The following ATP8A2 variants were observed in gnomAD, a reference collection of about 807,000 sequenced individuals.
ATP8A2 encodes ATPase phospholipid transporting 8A2.
A neutral mutation model predicts 165.6 loss-of-function variants in ATP8A2; 100 were observed. That is an observed-to-expected ratio of 0.60 (90% confidence interval 0.51 to 0.71). The LOEUF (loss-of-function observed/expected upper bound fraction) is 0.71, where lower values mean the gene tolerates loss of function less well. Among genes scored for constraint, ATP8A2 ranks in the 30% least tolerant of loss-of-function variants. The pLI is 0.00. For synonymous variants in ATP8A2, 543 were observed against 548.8 expected (o/e 0.99, Z 0.15); for missense variants, 1,227 against 1,479.5 (o/e 0.83, Z 2.80).
At chr13:25,751,771 T>G (rs2044157947) in intron 25 of ATP8A2, among the ~76,000 whole-genome samples, 1 of 152,060 alleles carries the variant, frequency 6.6e-6, no homozygotes, top group African/African-American at 2.4e-5. Context: ...CTTATTTGCT[T>G]TTTCTTTACA....
At chr13:25,382,898 G>A (rs1202316074) in intron 1 of ATP8A2, among the ~76,000 whole-genome samples, 1 of 151,374 alleles carries the variant, frequency 6.6e-6, no homozygotes, top group Admixed American at 6.6e-5. Flanking sequence ...TGGGACTACA[G>A]GTGCCCGCCA....
At chr13:25,688,024 A>G (rs73154508) in intron 24 of ATP8A2, among the ~76,000 whole-genome samples, 15,882 of 151,968 alleles carry the variant, frequency 0.1, 937 homozygotes, top group East Asian at 0.25. Flanking sequence ...CCTTCCTGAC[A>G]CGAGACTGTG....
chr13:25,994,305 T>C (rs1419317887), intron 35 of ATP8A2, among the ~76,000 whole-genome samples: 2 of 152,018 alleles, frequency 1.3e-5, no homozygotes, highest in African/African-American at 4.8e-5. Context: ...TTCCAGACAA[T>C]TATGTCATCT....
chr13:25,532,311 A>G lies in ATP8A2; in HGVS notation c.460A>G (p.Thr154Ala). 1.2e-6 allele frequency: 2 copies of G among 1,610,448 alleles called. No homozygotes were observed. Among genetic ancestry groups the G allele is most frequent in the Admixed American group, 1.7e-5 (1 of 59,474 alleles). ...AGACAATGCAGTTAACAAAAAGAAAACAATAGGTAAGATCCCAGGCTGAAG... is the reference window on the plus strand; with the variant it reads ...AGACAATGCAGTTAACAAAAAGAAAGCAATAGGTAAGATCCCAGGCTGAAG... The part of the protein sequence containing the change: ...KADNAVNKKK[T>A]IVLRNGMWHT... The change falls in exon 5 of 37, where the codon ACA becomes GCA. Residue 154 changes from threonine (T) to alanine (A), a missense_variant. Coordinates refer to ENST00000381655, the MANE Select transcript of ATP8A2 (RefSeq NM_016529.6).
At chr13:25,892,482 C>A (rs1477124088) in intron 33 of ATP8A2, among the ~76,000 whole-genome samples, 1 of 150,460 alleles carries the variant, frequency 6.6e-6, no homozygotes, top group South Asian at 2.1e-4. Flanking sequence ...CTCTCTGTCT[C>A]TCTCTCTCTC....
Position 25,491,378 on chromosome 13 carries a change from G to A in ATP8A2, c.221+22257G>A, listed in dbSNP as rs151150090. Among the ~76,000 whole-genome samples the A allele has an allele frequency of 5.0e-3, 758 of 151,994 alleles. 5 individuals carry two copies. Among genetic ancestry groups the A allele is most frequent in the African/African-American group, 0.018 (735 of 41,440 alleles). The stretch of plus-strand genomic sequence containing the variant: ...CATGGTGCTACATATTCTGGAGTTA[G>A]TTAGTTTATGTACTTATTTATGATT... On this transcript the variant is annotated intron_variant, in intron 2 of 36. Transcript: ENST00000381655.
intron 2 of ATP8A2, among the ~76,000 whole-genome samples, chr13:25,504,104 C>T (rs967886094): frequency 1.3e-5 from 2 of 152,244 alleles, no homozygotes; most frequent in African/African-American, 4.8e-5. Flanking sequence ...TTGCAGTCCA[C>T]TTCCCTCTGC....
At chr13:25,787,516 C>T (rs1402362901) in intron 27 of ATP8A2, among the ~76,000 whole-genome samples, 1 of 152,242 alleles carries the variant, frequency 6.6e-6, no homozygotes, top group Non-Finnish European at 1.5e-5. Flanking sequence ...CCTCTGTACA[C>T]ACTCATTTTA....
intron 35 of ATP8A2, among the ~76,000 whole-genome samples, chr13:25,978,122 A>G (rs1956099328): frequency 7.0e-6 from 1 of 143,026 alleles, no homozygotes; most frequent in Non-Finnish European, 1.5e-5. Flanking sequence ...GTAGTGATGA[A>G]ATATTTTAAT....
At chr13:25,525,884 G>T (rs1304158766) in intron 2 of ATP8A2, among the ~76,000 whole-genome samples, 9 of 152,018 alleles carry the variant, frequency 5.9e-5, no homozygotes, top group Admixed American at 5.9e-4. Flanking sequence ...ATTTTTTTGA[G>T]TAAGCTTTTT....
At chr13:25,519,962 G>A (rs1321547953) in intron 2 of ATP8A2, among the ~76,000 whole-genome samples, 1 of 152,172 alleles carries the variant, frequency 6.6e-6, no homozygotes, top group African/African-American at 2.4e-5. Flanking sequence ...AAAGGTACAT[G>A]TAATAATTTG....
At chr13:25,395,729 G>A (rs2033399692) in intron 1 of ATP8A2, among the ~76,000 whole-genome samples, 1 of 152,098 alleles carries the variant, frequency 6.6e-6, no homozygotes, top group African/African-American at 2.4e-5. Flanking sequence ...TAGAGATGGG[G>A]TCTTGCTATG....
At chr13:25,393,642 C>G (rs1393072031) in intron 1 of ATP8A2, among the ~76,000 whole-genome samples, 2 of 152,192 alleles carry the variant, frequency 1.3e-5, no homozygotes, top group Admixed American at 1.3e-4. Context: ...TCTTGAACTC[C>G]TGACCTCAGG....
chr13:25,776,764 G>T (rs921711627), intron 27 of ATP8A2, among the ~76,000 whole-genome samples: 5 of 152,104 alleles, frequency 3.3e-5, no homozygotes, highest in African/African-American at 1.2e-4. Flanking sequence ...CTGTTTCTTC[G>T]TGCTATCCCA....
At chr13:25,418,278 T>C (rs1209236357) in intron 1 of ATP8A2, among the ~76,000 whole-genome samples, 1 of 152,212 alleles carries the variant, frequency 6.6e-6, no homozygotes, top group Non-Finnish European at 1.5e-5. Flanking sequence ...GGAAAGGCTC[T>C]ATGTTAAAGC....
At chr13:25,398,237 T>A (rs749989665) in intron 1 of ATP8A2, among the ~76,000 whole-genome samples, 2 of 152,226 alleles carry the variant, frequency 1.3e-5, no homozygotes, top group Admixed American at 6.5e-5. Context: ...GCCTGTTATC[T>A]GTCATGTGAT....
At chr13:25,731,221 A>C (rs182222690) in intron 25 of ATP8A2, among the ~76,000 whole-genome samples, 223 of 151,176 alleles carry the variant, frequency 1.5e-3, no homozygotes, top group African/African-American at 5.1e-3. Context: ...AAGAGAAAGA[A>C]GAAAGAAGGA....
At chr13:25,647,477 C>A (rs1050466922) in intron 24 of ATP8A2, among the ~76,000 whole-genome samples, 1 of 152,058 alleles carries the variant, frequency 6.6e-6, no homozygotes, top group Non-Finnish European at 1.5e-5. Context: ...CATATTGGGA[C>A]CCCTTTGTAT....
intron 36 of ATP8A2, among the ~76,000 whole-genome samples, 158 bp downstream of exon 36, chr13:26,012,780 A>G (rs1248485913): frequency 3.3e-5 from 5 of 151,640 alleles, no homozygotes; most frequent in South Asian, 2.1e-4. Context: ...CAAAATGTGT[A>G]TTTGGCCCCA....
Sources: gnomAD v4.1 joint callset for allele counts (sites outside exome capture counted in the v4.1 genomes callset) on GRCh38, gnomAD v4.1.1 for gene constraint, MANE v1.5 for transcripts, NCBI Gene and HGNC (gene_info 2026-07-23, HGNC 2026-07-21) for gene names.